Variants in NAA38 observed in about 807,000 individuals in gnomAD.
NAA38 encodes N-alpha-acetyltransferase 38, NatC auxiliary subunit, also known as LSM domain containing 1.
A neutral mutation model predicts 12.6 loss-of-function variants in NAA38; 15 were observed. The observed-to-expected ratio is 1.19, with a 90% CI of 0.79 to 1.83. NAA38 has a LOEUF of 1.83. NAA38 is among the 40% of genes most tolerant of loss of function. NAA38 has a pLI of 0.00. For missense variants in NAA38, 183 were observed against 171.7 expected (o/e 1.07, Z -0.37); for synonymous variants, 88 against 69.9 (o/e 1.26, Z -1.29).
Position 7,857,441 on chromosome 17 carries a change from A to T in NAA38, c.23T>A (p.Met8Lys). 2 of 1,580,408 alleles carry T rather than the reference A, an allele frequency of 1.3e-6. No homozygotes were observed. The highest frequency in any genetic ancestry group is 2.3e-5 in the South Asian group (2 of 86,954). Residue 8 changes from methionine to lysine, a missense_variant, in exon 1 of 3, where the codon ATG becomes AAG. Met to Lys is a moderately conservative substitution (Grantham distance 95, BLOSUM62 -1). Coordinates refer to ENST00000575771, the MANE Select transcript of NAA38 (RefSeq NM_001320925.4). MAGAGPT[M>K]LLREENGCCS... The stretch of plus-strand genomic sequence containing the variant: ...ACAGCCATTCTCTTCTCGTAGCAGC[A>T]TGGTCGGTCCAGCTCCGGCCATTTG...
chr17:7,866,212 G>C (rs1170330539), intron 3 of NAA38: 1 of 206,536 alleles, frequency 4.8e-6, no homozygotes, highest in African/African-American at 2.4e-5. Context: ...TCAGCCTCCC[G>C]AGTAGCTGGG....
At chr17:7,867,616 G>GCC (rs1363632157) in intron 2 of NAA38, among the ~76,000 whole-genome samples, 1 of 152,216 alleles carries the variant, frequency 6.6e-6, no homozygotes, top group Non-Finnish European at 1.5e-5. Flanking sequence ...ACAGGTGTGA[G>GCC]CCACTGTACC....
intron 1 of NAA38, chr17:7,884,859 C>G: frequency 8.7e-7 from 1 of 1,155,266 alleles, no homozygotes; most frequent in Non-Finnish European, 1.2e-6. Context: ...ATGGTGGTGT[C>G]GGAGGAGGAA....
At chr17:7,878,612 G>C (rs1156478522) in intron 2 of NAA38, among the ~76,000 whole-genome samples, 2 of 152,134 alleles carry the variant, frequency 1.3e-5, no homozygotes, top group Non-Finnish European at 2.9e-5. Context: ...TGTAATCCCA[G>C]CTACTCGGGA....
chr17:7,874,788 A>T (rs963605337), intron 2 of NAA38, among the ~76,000 whole-genome samples: 2 of 149,716 alleles, frequency 1.3e-5, no homozygotes, highest in African/African-American at 4.9e-5. Context: ...TAGGAGGCTG[A>T]GGCAGGAGAA....
chr17:7,861,162 T>G (rs1477255328), upstream of NAA38: 1 of 152,170 alleles, frequency 6.6e-6, no homozygotes, highest in Admixed American at 6.6e-5. Flanking sequence ...TTGAACTTCC[T>G]GGCAGCAGCA....
At chr17:7,884,459 T>TAC (rs1555602906) in intron 1 of NAA38, among the ~76,000 whole-genome samples, 1 of 39,842 alleles carries the variant, frequency 2.5e-5, no homozygotes, top group Admixed American at 2.3e-4. Context: ...TATATATACA[T>TAC]ATATATATAT....
chr17:7,875,963 G>A (rs1230228174), intron 2 of NAA38, among the ~76,000 whole-genome samples: 4 of 152,146 alleles, frequency 2.6e-5, no homozygotes, highest in Non-Finnish European at 5.9e-5. Context: ...CTTATAGCAT[G>A]TATCAGTATT....
At chr17:7,874,162 C>A (rs1325862733) in intron 2 of NAA38, among the ~76,000 whole-genome samples, 1 of 151,984 alleles carries the variant, frequency 6.6e-6, no homozygotes, top group Non-Finnish European at 1.5e-5. Flanking sequence ...GATGGTATAG[C>A]TGATTAGGAG....
intron 2 of NAA38, among the ~76,000 whole-genome samples, chr17:7,868,920 T>C (rs941304790): frequency 2.6e-4 from 40 of 152,230 alleles, no homozygotes; most frequent in Admixed American, 2.4e-3. Flanking sequence ...CATGCCAGAA[T>C]TGAGCTTCTT....
At chr17:7,879,756 A>G (rs1967237907) in intron 2 of NAA38, among the ~76,000 whole-genome samples, 1 of 152,172 alleles carries the variant, frequency 6.6e-6, no homozygotes, top group Non-Finnish European at 1.5e-5. Flanking sequence ...ATGCCCCACA[A>G]TGAAAGTGAC....
chr17:7,868,458 G>C (rs551766855), intron 2 of NAA38, among the ~76,000 whole-genome samples: 1 of 152,136 alleles, frequency 6.6e-6, no homozygotes, highest in Non-Finnish European at 1.5e-5. Flanking sequence ...GAGTGTTCTG[G>C]CTTTATAACC....
chr17:7,857,838 GCGTATTCGTTCT>G, upstream of NAA38: 21 of 1,358,732 alleles, frequency 1.5e-5, no homozygotes, highest in Non-Finnish European at 2.0e-5. Flanking sequence ...TTAAAACGGA[GCGTATTCGTTCT>G]CTGCCCCACC....
chr17:7,864,838 T>G (rs1336336431), intron 3 of NAA38: 1 of 150,004 alleles, frequency 6.7e-6, no homozygotes, highest in East Asian at 2.0e-4. Flanking sequence ...GAGGCTGCAG[T>G]GAGCCAAGAT....
At chr17:7,858,994 T>TCTAG (rs1329890322), upstream of NAA38, 1 of 609,662 alleles carries the variant, frequency 1.6e-6, no homozygotes, top group African/African-American at 1.8e-5. Flanking sequence ...GGTTGGGAAT[T>TCTAG]CTAGGAGTGT....
At chr17:7,870,684 C>A (rs1227480230) in intron 2 of NAA38, among the ~76,000 whole-genome samples, 1 of 151,802 alleles carries the variant, frequency 6.6e-6, no homozygotes. Flanking sequence ...GAGTTCAAGA[C>A]CAGCCTGGCC....
In NAA38 at chr17:7,873,314, G is replaced by A. The variant is rs369994960; in HGVS notation, c.-65-6756C>T. On this transcript the variant is annotated intron_variant, in intron 2 of 4. Transcript: ENST00000576861. ...AAACCAGGAATGCGAAACTACAGAC[G>A]TCAAGCAAATTCTTTTTTTCAAAAA... Among the ~76,000 whole-genome samples, 20 of 152,294 alleles carry A rather than the reference G, an allele frequency of 1.3e-4. No individual in the cohort carries two copies. The South Asian group carries it at 1.4e-3, about 11-fold the overall frequency.
At chr17:7,871,779 C>T (rs1249831395) in intron 2 of NAA38, among the ~76,000 whole-genome samples, 1 of 152,146 alleles carries the variant, frequency 6.6e-6, no homozygotes, top group African/African-American at 2.4e-5. Context: ...CTCAGCTTTC[C>T]GAGTAGCTGG....
At chr17:7,869,509 C>A (rs1967047072) in intron 2 of NAA38, among the ~76,000 whole-genome samples, 1 of 152,170 alleles carries the variant, frequency 6.6e-6, no homozygotes, top group Admixed American at 6.5e-5. Flanking sequence ...TGCCTATAAT[C>A]CCAGCACTTT....
Sources: allele counts gnomAD v4.1 joint callset (sites outside exome capture counted in the v4.1 genomes callset), GRCh38; gene constraint gnomAD v4.1.1; transcripts MANE v1.5; gene names NCBI Gene and HGNC (gene_info 2026-07-23, HGNC 2026-07-21).